Variants in IKBKE observed in about 807,000 individuals in gnomAD.
IKBKE encodes the protein inhibitor of nuclear factor kappa-B kinase subunit epsilon.
Under a neutral mutation model 92.1 loss-of-function variants are expected in IKBKE, and 45 were observed. The ratio of observed to expected loss-of-function variants is 0.49; its 90% CI spans 0.38 to 0.63. IKBKE has a LOEUF of 0.63. Ranked by LOEUF, IKBKE falls within the 20% of genes least tolerant of loss-of-function variation. IKBKE has a pLI of 0.00. For synonymous variants in IKBKE, 374 were observed against 380.3 expected (o/e 0.98, Z 0.19); for missense variants, 700 against 932.8 (o/e 0.75, Z 3.25).
rs2103449382 is a variant in IKBKE, at chr1:206,474,413, A to G, written c.170A>G (p.Glu57Gly). 2 of 1,614,076 alleles carry G rather than the reference A, an allele frequency of 1.2e-6. No individual in the cohort carries two copies. Among genetic ancestry groups the G allele is most frequent in the South Asian group, 1.1e-5 (1 of 91,074 alleles). ...CGCGAGGTGCAGGTGAGGGAGTTTGAGGTCCTGCGGAAGCTGAACCACCAG... is the reference window on the plus strand; with the variant it reads ...CGCGAGGTGCAGGTGAGGGAGTTTGGGGTCCTGCGGAAGCTGAACCACCAG... ...RPREVQVREF[E>G]VLRKLNHQNI... The change falls in exon 4 of 22, where the codon GAG becomes GGG. Residue 57 changes from glutamate (E) to glycine (G), a missense_variant. Transcript: ENST00000581977.
Position 206,476,270 on chromosome 1 carries a change from C to G in IKBKE, c.448C>G (p.Gln150Glu), listed in dbSNP as rs782271671. Residue 150 changes from glutamine (Q) to glutamate (E), a missense_variant, in exon 6 of 22, where the codon CAG (glutamine) becomes GAG (glutamate). By Grantham distance (29) the Gln-to-Glu change is conservative. Coordinates refer to ENST00000581977, the MANE Select transcript of IKBKE (RefSeq NM_014002.4). The surrounding 1 kb of genome is among the most constrained non-coding windows in gnomAD (Gnocchi z 5.1). ...NIMRLVGEEGQSIYKLTDFGA... is the reference protein window; with the variant it reads ...NIMRLVGEEGESIYKLTDFGA... ...CATGCGCCTCGTAGGGGAGGAGGGG[C>G]AGAGCATCTACAAGCTGACAGACTT... is the stretch of plus-strand genomic sequence containing the variant. 45 of 1,613,956 alleles carry G rather than the reference C, an allele frequency of 2.8e-5. No homozygotes were observed. The highest frequency in any genetic ancestry group is 3.5e-5 in the Non-Finnish European group (41 of 1,179,982).
rs41296024 is a variant in IKBKE, at chr1:206,476,068, C to T, written c.359-113C>T. ...TGCCTGTCCCATGGCTCTGTCAGCC[C>T]ATGGGAACTCCTGTCTCTCTGGATG... On this transcript the variant is annotated intron_variant, in intron 5 of 21. Coordinates refer to ENST00000581977, the MANE Select transcript of IKBKE (RefSeq NM_014002.4). The surrounding 1 kb of genome is among the most constrained non-coding windows in gnomAD (Gnocchi z 5.1). 6,157 of 970,974 alleles carry T rather than the reference C, an allele frequency of 6.3e-3. 199 individuals are homozygous for T. The African/African-American group carries it at 0.076, about 12-fold the overall frequency. The allele number at this position is 970,974 out of a possible 1,614,324, so 60.1% of individuals were successfully genotyped here. A position where few individuals can be genotyped will look rare whatever the true frequency, so the allele number is the denominator to read the frequency against.
intron 16 of IKBKE, among the ~76,000 whole-genome samples, chr1:206,489,657 T>C (rs1665850161): frequency 6.6e-6 from 1 of 151,954 alleles, no homozygotes; most frequent in Admixed American, 6.6e-5. Flanking sequence ...TGCAGTGAGC[T>C]AAGATCACAC....
intron 10 of IKBKE, 40 bp from the exon 11 acceptor site, chr1:206,479,830 C>T: frequency 6.2e-7 from 1 of 1,605,014 alleles, no homozygotes; most frequent in Non-Finnish European, 8.5e-7. Context: ...CGACCCAGCA[C>T]CATACAGGCA....
At chr1:206,491,190 C>G (rs530674550) in intron 17 of IKBKE, 1 of 436,716 alleles carries the variant, frequency 2.3e-6, no homozygotes, top group Non-Finnish European at 4.2e-6. Flanking sequence ...CCTGCCTCCC[C>G]CCGCTCCTCT....
rs2103472659 is a variant in IKBKE, at chr1:206,485,277, G to A, written c.1587G>A (p.Lys529=). 1.2e-6 allele frequency: 2 copies of A among 1,613,326 alleles called. No individual in the cohort carries two copies. Among genetic ancestry groups the A allele is most frequent in the East Asian group, 2.2e-5 (1 of 44,882 alleles). ...GCAGCCTGAACCGGGAGCTGGTGAAGAGCCGGGATCAGGTACATGAGGACA... is the reference window on the plus strand; with the variant it reads ...GCAGCCTGAACCGGGAGCTGGTGAAAAGCCGGGATCAGGTACATGAGGACA... ...SLSSLNRELV[K]SRDQVHEDRS... The change falls in exon 15 of 22, where the codon AAG becomes AAA. Residue 529 remains lysine (K), a synonymous_variant. Transcript: ENST00000581977. This position sits in a 1 kb window ranked among gnomAD's most constrained non-coding sequence, Gnocchi z 5.0.
intron 19 of IKBKE, 73 bp from the exon 20 acceptor site, chr1:206,493,193 C>T (rs768602491): frequency 5.2e-6 from 8 of 1,551,970 alleles, no homozygotes; most frequent in Non-Finnish European, 7.1e-6. Context: ...TCTTCCCCTC[C>T]TCCAGCACTC....
chr1:206,476,437 T>C lies in IKBKE; in HGVS notation c.540+75T>C. 2 of 1,457,404 alleles carry C rather than the reference T, an allele frequency of 1.4e-6. No homozygotes were observed. Among genetic ancestry groups the C allele is most frequent in the Non-Finnish European group, 1.9e-6 (2 of 1,061,032 alleles). 90.3% of individuals were successfully genotyped at this position (1,457,404 alleles called of 1,614,324 possible). A position where few individuals can be genotyped will look rare whatever the true frequency, so the allele number is the denominator to read the frequency against. ...CCTTGTGAGCCCCCCAGAGCCCCCA[T>C]GAGGGGGTGTGGCCCACCTCCTGCT... On this transcript the variant is annotated intron_variant, in intron 6 of 21. Transcript: ENST00000581977. The surrounding 1 kb of genome is among the most constrained non-coding windows in gnomAD (Gnocchi z 5.1).
intron 13 of IKBKE, 53 bp from the exon 14 acceptor site, chr1:206,484,944 C>A (rs1665575367): frequency 6.9e-7 from 1 of 1,439,670 alleles, no homozygotes; most frequent in Non-Finnish European, 9.8e-7. Flanking sequence ...CTGCCTCCCA[C>A]CTTGGCTGCT....
intron 2 of IKBKE, among the ~76,000 whole-genome samples, chr1:206,472,613 T>G (rs1664839553): frequency 1.4e-5 from 2 of 147,388 alleles, no homozygotes; most frequent in African/African-American, 5.0e-5. Context: ...ACACACACAC[T>G]CTGAAGCAGC....
intron 13 of IKBKE, among the ~76,000 whole-genome samples, chr1:206,483,305 G>C (rs1665496236): frequency 6.6e-6 from 1 of 152,220 alleles, no homozygotes; most frequent in East Asian, 1.9e-4. Flanking sequence ...GCCAGGACTA[G>C]GACTCGAACC....
rs1553390774 is a variant in IKBKE at position 206,492,628 on chromosome 1, A to G, written c.1836-395A>G. ...ATGTTCCTGTTCCTTCACTCCACTT[A>G]GAGATAGAAGAGAATTCACACTGGA... On this transcript the variant is annotated intron_variant, in intron 18 of 21. Coordinates refer to ENST00000581977, the MANE Select transcript of IKBKE (RefSeq NM_014002.4). The G allele has an allele frequency of 4.4e-5, 21 of 477,542 alleles. No homozygotes were observed. In the Admixed American group the frequency reaches 4.9e-4, roughly 11 times the overall value. 29.6% of individuals were successfully genotyped at this position (477,542 alleles called of 1,614,324 possible). A position where few individuals can be genotyped will look rare whatever the true frequency, so the allele number is the denominator to read the frequency against.
In IKBKE at chr1:206,474,336, C is replaced by T. The variant is rs782191879; in HGVS notation, c.93C>T (p.Ser31=). Residue 31 remains serine (S), a synonymous_variant, in exon 4 of 22, where the codon TCC becomes TCT. Transcript: ENST00000581977. ...ASVYKARNKK[S]GELVAVKVFN... is the part of the protein sequence containing the mutation. ...TGCTCCCTCCCCAATGGCAGAAATC[C>T]GGAGAGCTGGTTGCTGTGAAGGTCT... 5.0e-5 allele frequency: 80 copies of T among 1,612,048 alleles called. 1 individual carries two copies. Among genetic ancestry groups the T allele is most frequent in the East Asian group, 2.5e-4 (11 of 44,884 alleles).
rs1207881895 is a variant in IKBKE at position 206,490,686 on chromosome 1, C to T, written c.1694-133C>T. 26 of 869,104 alleles carry T rather than the reference C, an allele frequency of 3.0e-5. No individual in the cohort carries two copies. The highest frequency in any genetic ancestry group is 3.4e-5 in the Non-Finnish European group (18 of 522,498). The allele number at this position is 869,104 out of a possible 1,614,324, so 53.8% of individuals were successfully genotyped here. ...CTTCACTCCTCTGCCCCTCCTGCTC[C>T]GCTGGGCGGTGAGTTCCCGTGAAGC... On this transcript the variant is annotated intron_variant, in intron 16 of 21. Coordinates refer to ENST00000581977, the MANE Select transcript of IKBKE (RefSeq NM_014002.4). This position sits in a 1 kb window ranked among gnomAD's most constrained non-coding sequence, Gnocchi z 5.2.
rs1553391211 is a variant in IKBKE at position 206,493,341 on chromosome 1, C to T, written c.2008C>T (p.Pro670Ser). The T allele has an allele frequency of 1.2e-6, 2 of 1,613,884 alleles. No homozygotes were observed. Among genetic ancestry groups the T allele is most frequent in the South Asian group, 1.1e-5 (1 of 91,076 alleles). Residue 670 changes from proline (P) to serine (S), a missense_variant, in exon 20 of 22, where the codon CCT becomes TCT. Transcript: ENST00000581977. ...GAQASPPPIA[P>S]YPSPTRKDLL... The stretch of plus-strand genomic sequence containing the variant: ...TCAGGCCTCGCCGCCTCCCATAGCT[C>T]CTTACCCCAGCCCTACACGAAAGGA...
In IKBKE at chr1:206,496,825, G is replaced by A. The variant is rs1666263123; in HGVS notation, c.*680G>A. 1 of 231,020 alleles carries A rather than the reference G, an allele frequency of 4.3e-6. No homozygotes were observed. Among genetic ancestry groups the A allele is most frequent in the East Asian group, 6.1e-5 (1 of 16,328 alleles). The allele number at this position is 231,020 out of a possible 1,614,324, so 14.3% of individuals were successfully genotyped here. On this transcript the variant is annotated 3_prime_UTR_variant, in exon 22 of 22. Transcript: ENST00000581977. ...TCCTGGGACATGCAGCCAGGACTGT[G>A]AGTCTGGGCAGGTCCAAGGCCTGCA...
chr1:206,494,838 A>G (rs533157892), intron 21 of IKBKE, among the ~76,000 whole-genome samples: 41 of 152,014 alleles, frequency 2.7e-4, no homozygotes, highest in African/African-American at 8.9e-4. Context: ...TCCTGGTCTC[A>G]GATGATCTGC....
At chr1:206,486,791 A>G (rs1665688452) in intron 15 of IKBKE, among the ~76,000 whole-genome samples, 1 of 149,184 alleles carries the variant, frequency 6.7e-6, no homozygotes, top group Admixed American at 6.7e-5. Flanking sequence ...AAGGCTGTGG[A>G]TCCCAGGCCC....
Position 206,477,827 on chromosome 1 carries a change from C to G in IKBKE, c.780C>G (p.Ser260Arg). 1 of 1,557,474 alleles carries G rather than the reference C, an allele frequency of 6.4e-7. No individual in the cohort carries two copies. Among genetic ancestry groups the G allele is most frequent in the Non-Finnish European group, 8.7e-7 (1 of 1,150,424 alleles). Residue 260 changes from serine to arginine, a missense_variant, in exon 8 of 22, where the codon AGC (serine) becomes AGG (arginine). Physicochemically the swap from Ser to Arg is moderately radical, Grantham distance 110 (BLOSUM62 -1). Transcript: ENST00000581977. ...GGGAGAACGGGCCCCTGGAGTGGAG[C>G]TACACCCTCCCCATCACCTGCCAGC... ...QRRENGPLEW[S>R]YTLPITCQLS...
Sources: gnomAD v4.1 joint callset for allele counts (sites outside exome capture counted in the v4.1 genomes callset) on GRCh38, gnomAD v4.1.1 for gene constraint, Gnocchi (gnomAD v3.1) non-coding constraint, MANE v1.5 for transcripts, NCBI Gene and HGNC (gene_info 2026-07-23, HGNC 2026-07-21) for gene names.